The following ARHGAP18 variants were observed in gnomAD, a reference collection of about 807,000 sequenced individuals.
ARHGAP18 encodes Rho GTPase activating protein 18.
Under a neutral mutation model 86.2 loss-of-function variants are expected in ARHGAP18, and 67 were observed. The ratio of observed to expected loss-of-function variants is 0.78; its 90% confidence interval spans 0.64 to 0.95. ARHGAP18 has a LOEUF of 0.95. Ranked by LOEUF, ARHGAP18 falls within the 40% of genes least tolerant of loss-of-function variation. ARHGAP18 has a pLI of 0.00. For missense variants in ARHGAP18, 691 were observed against 780.4 expected, an observed-to-expected ratio of 0.89 and a Z score of 1.37; for synonymous variants, 283 against 280.4, an observed-to-expected ratio of 1.01 and a Z score of -0.09.
At chr6:129,626,208 A>C (rs1789468472) in intron 5 of ARHGAP18, among the ~76,000 whole-genome samples, 1 of 150,874 alleles carries the variant, frequency 6.6e-6, no homozygotes, top group Non-Finnish European at 1.5e-5. Context: ...TGTATCTAAT[A>C]AAAAGAAGTG....
In ARHGAP18 at chr6:129,625,777, A is replaced by C. The variant is rs1367893116; in HGVS notation, c.786+3576T>G. On this transcript the variant is annotated intron_variant, in intron 5 of 14. Coordinates refer to ENST00000368149, the MANE Select transcript of ARHGAP18 (RefSeq NM_033515.3). ...ATATATTTATATATTATATATATTT[A>C]TATATATAATATATATTTTTATATT... 8.5e-5 allele frequency among the ~76,000 whole-genome samples: 4 copies of C among 46,810 alleles called. 1 individual carries two copies. In the South Asian group the frequency reaches 1.8e-3, roughly 21 times the overall value. The allele number at this position is 46,810 out of a possible 152,430, so 30.7% of individuals were successfully genotyped here.
At chr6:129,684,147 G>T (rs1774385049) in intron 1 of ARHGAP18, among the ~76,000 whole-genome samples, 1 of 152,232 alleles carries the variant, frequency 6.6e-6, no homozygotes, top group Non-Finnish European at 1.5e-5. Flanking sequence ...GAGTGGCAAG[G>T]CAGGCCAGCT....
At chr6:129,625,275 T>TTATATGTAATATATATGATATATGATA (rs1789360569) in intron 5 of ARHGAP18, among the ~76,000 whole-genome samples, 1 of 58,328 alleles carries the variant, frequency 1.7e-5, no homozygotes, top group Non-Finnish European at 3.3e-5. Context: ...TGATATATAT[T>TTATATGTAATATATATGATATATGATA]TATATGTAAT....
chr6:129,680,097 T>C (rs964400638), intron 1 of ARHGAP18, among the ~76,000 whole-genome samples: 3 of 152,190 alleles, frequency 2.0e-5, no homozygotes, highest in South Asian at 4.1e-4. Flanking sequence ...CCAGGATAAT[T>C]TCCCATCTCA....
chr6:129,587,656 T>C (rs746288367), intron 12 of ARHGAP18, among the ~76,000 whole-genome samples: 1 of 152,154 alleles, frequency 6.6e-6, no homozygotes, highest in Non-Finnish European at 1.5e-5. Flanking sequence ...TCAGATCTCA[T>C]GAGAACTCAC....
rs986672382 is a variant in ARHGAP18 at position 129,577,644 on chromosome 6, T to C, written c.*869A>G. On this transcript the variant is annotated 3_prime_UTR_variant, in exon 15 of 15. Transcript: ENST00000368149. ...TTCTTCAACCATTACTGGATTATAC[T>C]ATCATGCATATTTATAATGCTAATA... 6.6e-6 allele frequency: 1 copy of C among 152,190 alleles called. No homozygotes were observed. 9.4% of individuals were successfully genotyped at this position (152,190 alleles called of 1,614,324 possible).
In ARHGAP18 at chr6:129,608,063, C is replaced by CTAAA. The variant is rs1788893488; in HGVS notation, c.1123-12_1123-11insTTTA. 17 of 643,516 alleles carry CTAAA rather than the reference C, an allele frequency of 2.6e-5. 1 individual carries two copies. The highest frequency in any genetic ancestry group is 3.7e-5 in the African/African-American group (1 of 27,248). 39.9% of individuals were successfully genotyped at this position (643,516 alleles called of 1,614,324 possible). A position where few individuals can be genotyped will look rare whatever the true frequency, so the allele number is the denominator to read the frequency against. On this transcript the variant is annotated splice_polypyrimidine_tract_variant and intron_variant, in intron 8 of 14. Coordinates refer to ENST00000368149, the MANE Select transcript of ARHGAP18 (RefSeq NM_033515.3). Reference sequence around the variant, plus strand: ...TTCTTGGCAAAGATTCTGATAGGCACGAAAAAAAAAAAAAAAAAAAAAAGA... The same window carrying CTAAA: ...TTCTTGGCAAAGATTCTGATAGGCACTAAAGAAAAAAAAAAAAAAAAAAAAAAGA...
chr6:129,638,750 C>A, intron 2 of ARHGAP18, 121 bp from the exon 3 acceptor site: 1 of 892,386 alleles, frequency 1.1e-6, no homozygotes, highest in South Asian at 1.6e-5. Context: ...TGCTAAGAAT[C>A]ATTATCTAAA....
Position 129,629,455 on chromosome 6 carries a change from T to C in ARHGAP18, c.684A>G (p.Thr228=). ...IPPEETPAPE[T]DINLEVSFAE... is the part of the protein sequence containing the mutation. Reference sequence around the variant, plus strand: ...CAAATGATACCTCCAGGTTGATGTCTGTTTCAGGGGCAGGCGTCTCCTCAG... The same window carrying C: ...CAAATGATACCTCCAGGTTGATGTCCGTTTCAGGGGCAGGCGTCTCCTCAG... Residue 228 remains threonine, a synonymous_variant, in exon 5 of 15, where the codon ACA becomes ACG. Coordinates refer to ENST00000368149, the MANE Select transcript of ARHGAP18 (RefSeq NM_033515.3). 6.8e-6 allele frequency: 11 copies of C among 1,613,984 alleles called. No homozygotes were observed. The highest frequency in any genetic ancestry group is 9.3e-6 in the Non-Finnish European group (11 of 1,179,952).
chr6:129,594,639 A>T (rs1474464053), intron 12 of ARHGAP18, among the ~76,000 whole-genome samples: 1 of 152,084 alleles, frequency 6.6e-6, no homozygotes, highest in Non-Finnish European at 1.5e-5. Flanking sequence ...AAGTGTCAAA[A>T]ACTCACTTTT....
chr6:129,709,597 G>A (rs947692787), intron 1 of ARHGAP18, among the ~76,000 whole-genome samples: 1 of 152,218 alleles, frequency 6.6e-6, no homozygotes, highest in East Asian at 1.9e-4. Flanking sequence ...AACAACAACA[G>A]CTTGTACAGT....
In ARHGAP18 at chr6:129,708,428, A is replaced by G. The variant is rs188713192; in HGVS notation, c.113+1596T>C. On this transcript the variant is annotated intron_variant, in intron 1 of 14. Transcript: ENST00000368149. ...GATCTGATCCTCTCTTATTCTCTCA[A>G]CCCACTCAAGTATGGGCCACCCACA... Among the ~76,000 whole-genome samples, 471 of 152,280 alleles carry G rather than the reference A, an allele frequency of 3.1e-3. 5 individuals are homozygous for G. Among genetic ancestry groups the G allele is most frequent in the African/African-American group, 0.011 (451 of 41,558 alleles).
intron 1 of ARHGAP18, among the ~76,000 whole-genome samples, chr6:129,642,334 G>C (rs1489348372): frequency 6.6e-6 from 1 of 152,124 alleles, no homozygotes; most frequent in East Asian, 1.9e-4. Flanking sequence ...GCCAAGGTTT[G>C]AGTGCACCAA....
At chr6:129,667,335 T>C (rs542045822) in intron 1 of ARHGAP18, among the ~76,000 whole-genome samples, 4 of 152,268 alleles carry the variant, frequency 2.6e-5, no homozygotes, top group South Asian at 4.1e-4. Flanking sequence ...CTACAACCCC[T>C]ATTTGGCCCA....
At chr6:129,697,455 T>C (rs72988824) in intron 1 of ARHGAP18, among the ~76,000 whole-genome samples, 34,160 of 151,852 alleles carry the variant, frequency 0.22, 4,143 homozygotes, top group East Asian at 0.31. Context: ...TTTTTTTTTT[T>C]TTAGTCAGTA....
At chr6:129,579,849 C>T (rs184793786) in intron 14 of ARHGAP18, among the ~76,000 whole-genome samples, 21 of 152,244 alleles carry the variant, frequency 1.4e-4, no homozygotes, top group South Asian at 6.2e-4. Flanking sequence ...AGGGAACTTG[C>T]CTTTGCTGAA....
At chr6:129,625,595 A>G (rs1789403620) in intron 5 of ARHGAP18, among the ~76,000 whole-genome samples, 1 of 65,854 alleles carries the variant, frequency 1.5e-5, no homozygotes, top group Non-Finnish European at 2.6e-5. Flanking sequence ...TTATATATTT[A>G]TATATTATAT....
intron 1 of ARHGAP18, among the ~76,000 whole-genome samples, chr6:129,684,122 T>C (rs1774384492): frequency 6.6e-6 from 1 of 152,202 alleles, no homozygotes; most frequent in Non-Finnish European, 1.5e-5. Flanking sequence ...ATGTCAGTGA[T>C]GACTCAGATG....
At chr6:129,705,626 C>T (rs1394479894) in intron 1 of ARHGAP18, among the ~76,000 whole-genome samples, 1 of 152,024 alleles carries the variant, frequency 6.6e-6, no homozygotes, top group Non-Finnish European at 1.5e-5. Flanking sequence ...TAACACATGA[C>T]AAAATAATAT....
Sources: allele counts gnomAD v4.1 joint callset (sites outside exome capture counted in the v4.1 genomes callset), GRCh38; gene constraint gnomAD v4.1.1; transcripts MANE v1.5; gene names NCBI Gene and HGNC (gene_info 2026-07-23, HGNC 2026-07-21).